Variants in MYO1A observed in about 807,000 individuals in gnomAD.
The protein encoded by MYO1A is myosin IA, also known as unconventional myosin-Ia.
A neutral mutation model predicts 138.5 loss-of-function variants in MYO1A; 127 were observed. The ratio of observed to expected loss-of-function variants is 0.92; its 90% CI spans 0.79 to 1.06. The LOEUF (loss-of-function observed/expected upper bound fraction) is 1.06, where lower values mean the gene tolerates loss of function less well. Ranked by LOEUF, MYO1A falls within the 50% of genes least tolerant of loss-of-function variation. MYO1A has a pLI of 0.00. For synonymous variants in MYO1A, 477 were observed against 497.5 expected, an observed-to-expected ratio of 0.96 and a Z score of 0.55; for missense variants, 1,211 against 1,288.8, an observed-to-expected ratio of 0.94 and a Z score of 0.92.
intron 1 of MYO1A, among the ~76,000 whole-genome samples, chr12:57,048,786 C>T (rs1201046500): frequency 2.0e-5 from 3 of 152,170 alleles, no homozygotes; most frequent in African/African-American, 7.2e-5. Context: ...CCATCTACCC[C>T]CAGTGCTTCT....
chr12:57,040,816 C>T (rs1020015157), intron 14 of MYO1A, among the ~76,000 whole-genome samples: 1 of 152,112 alleles, frequency 6.6e-6, no homozygotes, highest in African/African-American at 2.4e-5. Context: ...AGCTAGGGCC[C>T]GGGGGAGACC....
Position 57,029,748 on chromosome 12 carries a change from T to C in MYO1A, c.2716A>G (p.Asn906Asp), listed in dbSNP as rs1361708975. ...AGCCTGCAGGCCCTTACCTTGCCATTGCCACGATTGACCTTCTTCACGGCC... is the reference window on the plus strand; with the variant it reads ...AGCCTGCAGGCCCTTACCTTGCCATCGCCACGATTGACCTTCTTCACGGCC... ...AEAVKKVNRG[N>D]GKTSSRILLL... The change falls in exon 25 of 28, where the codon AAT becomes GAT. Residue 906 changes from asparagine to aspartate, a missense_variant. Transcript: ENST00000300119. The C allele has an allele frequency of 1.2e-6, 2 of 1,614,052 alleles. No individual in the cohort carries two copies. The highest frequency in any genetic ancestry group is 2.7e-5 in the African/African-American group (2 of 74,916).
rs2030151309 is a variant in MYO1A, at chr12:57,029,460, C to A, written c.2852G>T (p.Gly951Val). ...AGVSVTSLKD[G>V]LFSLHLSEMS... ...CTCACTCAGATGCAAGCTAAAGAGC[C>A]CATCCTTGAGGCTGGTGACTGACAC... The change falls in exon 26 of 28, where the codon GGG becomes GTG. Residue 951 changes from glycine to valine, a missense_variant. Coordinates refer to ENST00000300119, the MANE Select transcript of MYO1A (RefSeq NM_005379.4). 6.2e-7 allele frequency: 1 copy of A among 1,614,026 alleles called. No homozygotes were observed.
chr12:57,037,551 C>T lies in MYO1A; in HGVS notation c.2052G>A (p.Lys684=). The T allele has an allele frequency of 1.9e-6, 3 of 1,614,078 alleles. No individual in the cohort carries two copies. Among genetic ancestry groups the T allele is most frequent in the Non-Finnish European group, 2.5e-6 (3 of 1,179,948 alleles). The change falls in exon 19 of 28, where the codon AAG becomes AAA. Residue 684 remains lysine, a synonymous_variant. Transcript: ENST00000300119. ...GCTAATGCACTCTCTAACTCACAGT[C>T]TTGGGGCTTCTAATGAAGATCTTTG... ...GKTKIFIRSP[K]TLFYLEEQRR... is the part of the protein sequence containing the mutation.
In MYO1A at chr12:57,029,766, T is replaced by C. The variant is rs199692652; in HGVS notation, c.2698A>G (p.Lys900Glu). 1.2e-6 allele frequency: 2 copies of C among 1,614,174 alleles called. No individual in the cohort carries two copies. Among genetic ancestry groups the C allele is most frequent in the Non-Finnish European group, 1.7e-6 (2 of 1,180,020 alleles). ...TTGCCATTGCCACGATTGACCTTCT[T>C]CACGGCCTCTGCCATCAGAACAGGC... ...EGPVLMAEAV[K>E]KVNRGNGKTS... Residue 900 changes from lysine (K) to glutamate (E), a missense_variant, in exon 25 of 28, where the codon AAG (lysine) becomes GAG (glutamate). Transcript: ENST00000300119.
chr12:57,045,270 C>T (rs915192927), intron 8 of MYO1A, among the ~76,000 whole-genome samples: 8 of 151,798 alleles, frequency 5.3e-5, no homozygotes, highest in African/African-American at 1.2e-4. Flanking sequence ...GGGAGGGATT[C>T]GGTTAATCAT....
chr12:57,048,252 C>G lies in MYO1A; in HGVS notation c.72G>C (p.Leu24=). The G allele has an allele frequency of 2.5e-6, 4 of 1,614,206 alleles. No homozygotes were observed. Among genetic ancestry groups the G allele is most frequent in the Non-Finnish European group, 3.4e-6 (4 of 1,180,018 alleles). ...VLLEPLVEES[L]LKNLQLRYEN... The stretch of plus-strand genomic sequence containing the variant: ...CATAGCGAAGCTGAAGATTCTTGAG[C>G]AGTGACTCCTCCACCAAGGGTTCCA... Residue 24 remains leucine, a synonymous_variant, in exon 2 of 28, where the codon CTG becomes CTC. Coordinates refer to ENST00000300119, the MANE Select transcript of MYO1A (RefSeq NM_005379.4).
intron 13 of MYO1A, 58 bp from the exon 14 acceptor site, chr12:57,041,346 C>A (rs2030850068): frequency 1.3e-6 from 2 of 1,591,464 alleles, no homozygotes; most frequent in Non-Finnish European, 1.7e-6. Context: ...CCGTCTCAGT[C>A]CTACCTCCCC....
intron 25 of MYO1A, 24 bp downstream of exon 25, chr12:57,029,716 G>A: frequency 6.2e-7 from 1 of 1,614,146 alleles, no homozygotes; most frequent in Non-Finnish European, 8.5e-7. Context: ...AGCTGCGGGA[G>A]GAGTTCAGCC....
At chr12:57,044,268 C>G in intron 8 of MYO1A, 59 bp from the exon 9 acceptor site, 1 of 1,340,482 alleles carries the variant, frequency 7.5e-7, no homozygotes, top group Non-Finnish European at 1.1e-6. Flanking sequence ...AGCCCTCCAG[C>G]CTTGACACCT....
In MYO1A at chr12:57,038,626, C is replaced by T. The variant is rs746303691; in HGVS notation, c.1546G>A (p.Val516Met). 50 of 1,614,082 alleles carry T rather than the reference C, an allele frequency of 3.1e-5. No homozygotes were observed. The highest frequency in any genetic ancestry group is 4.5e-5 in the East Asian group (2 of 44,898). Residue 516 changes from valine (V) to methionine (M), a missense_variant, in exon 17 of 28, where the codon GTG (valine) becomes ATG (methionine). By Grantham distance (21) the Val-to-Met change is conservative. Transcript: ENST00000300119. ...TTATTCTTGTCAATAAAGCTGGTCACGTTGTATGTCACCTGTAAAGGAGCA... is the reference window on the plus strand; with the variant it reads ...TTATTCTTGTCAATAAAGCTGGTCATGTTGTATGTCACCTGTAAAGGAGCA... ...CHYAGKVTYNVTSFIDKNNDL... is the reference protein window; with the variant it reads ...CHYAGKVTYNMTSFIDKNNDL...
intron 24 of MYO1A, 50 bp from the exon 25 acceptor site, chr12:57,029,922 C>T: frequency 6.2e-7 from 1 of 1,613,816 alleles, no homozygotes; most frequent in Non-Finnish European, 8.5e-7. Context: ...GAGGCCTCTT[C>T]CCCACCCCCA....
At chr12:57,038,278 A>G in intron 17 of MYO1A, 134 bp downstream of exon 17, 1 of 1,160,142 alleles carries the variant, frequency 8.6e-7, no homozygotes, top group Non-Finnish European at 1.3e-6. Flanking sequence ...TCCTTATCTG[A>G]CTGTTTTCTG....
In MYO1A at chr12:57,037,012, C is replaced by T. The variant is rs749506633; in HGVS notation, c.2135G>A (p.Arg712His). ...CATCAGTTGGTAGTGGGTGCGGCAG[C>T]GCCAGCCTCGGTAAATCTTCTGTAT... ...TLIQKIYRGW[R>H]CRTHYQLMRK... Residue 712 changes from arginine (R) to histidine (H), a missense_variant, in exon 20 of 28, where the codon CGC (arginine) becomes CAC (histidine). Physicochemically the swap from Arg to His is conservative, Grantham distance 29. Transcript: ENST00000300119. 1 of 1,614,110 alleles carries T rather than the reference C, an allele frequency of 6.2e-7. No individual in the cohort carries two copies. Among genetic ancestry groups the T allele is most frequent in the Admixed American group, 1.7e-5 (1 of 60,020 alleles).
In MYO1A at chr12:57,030,197, G is replaced by A. The variant is rs749385481; in HGVS notation, c.2591+13C>T. The stretch of plus-strand genomic sequence containing the variant: ...TGATGGAACTGGCTGTGCAGGGTCT[G>A]GGAGGCCCTCACCTCTGGGGATATG... On this transcript the variant is annotated intron_variant, in intron 24 of 27. Coordinates refer to ENST00000300119, the MANE Select transcript of MYO1A (RefSeq NM_005379.4). 1.2e-6 allele frequency: 2 copies of A among 1,601,876 alleles called. No individual in the cohort carries two copies. Among genetic ancestry groups the A allele is most frequent in the Non-Finnish European group, 8.6e-7 (1 of 1,168,858 alleles).
At chr12:57,044,411 C>G (rs1416857567) in intron 8 of MYO1A, among the ~76,000 whole-genome samples, 1 of 152,164 alleles carries the variant, frequency 6.6e-6, no homozygotes, top group Admixed American at 6.5e-5. Context: ...GTTGTTGAGA[C>G]AGGGTCTCAC....
chr12:57,047,657 TGAG>T lies in MYO1A; in HGVS notation c.292_294del (p.Leu98del), dbSNP rs772327280. 6.2e-7 allele frequency: 1 copy of T among 1,614,074 alleles called. No individual in the cohort carries two copies. Among genetic ancestry groups the T allele is most frequent in the Admixed American group, 1.7e-5 (1 of 60,034 alleles). ...TTCCCTGATCCACTCTCGCCTGTGATGAGGATACACTGGTCTCGGTCCCTGTCC... is the reference window on the plus strand; with the variant it reads ...TTCCCTGATCCACTCTCGCCTGTGATGATACACTGGTCTCGGTCCCTGTCC... On this transcript the variant is annotated inframe_deletion, in exon 4 of 28. Transcript: ENST00000300119.
Position 57,031,180 on chromosome 12 carries a change from T to C in MYO1A, c.2350-6A>G. On this transcript the variant is annotated splice_region_variant and splice_polypyrimidine_tract_variant and intron_variant, in intron 22 of 27. Coordinates refer to ENST00000300119, the MANE Select transcript of MYO1A (RefSeq NM_005379.4). ...CCCAGTAGGAATTTCTGTACCTAGTTTGGGACCAGGGGGATTGGGAGTGGA... is the reference window on the plus strand; with the variant it reads ...CCCAGTAGGAATTTCTGTACCTAGTCTGGGACCAGGGGGATTGGGAGTGGA... 3.1e-6 allele frequency: 5 copies of C among 1,614,126 alleles called. No homozygotes were observed. The highest frequency in any genetic ancestry group is 4.2e-6 in the Non-Finnish European group (5 of 1,180,010).
intron 23 of MYO1A, among the ~76,000 whole-genome samples, chr12:57,030,680 C>T (rs2030234947): frequency 1.3e-5 from 2 of 152,124 alleles, no homozygotes; most frequent in South Asian, 4.1e-4. Context: ...ATGATTCCCA[C>T]TTATATGAGG....
Sources: gnomAD v4.1 joint callset for allele counts (sites outside exome capture counted in the v4.1 genomes callset) on GRCh38, gnomAD v4.1.1 for gene constraint, MANE v1.5 for transcripts, NCBI Gene and HGNC (gene_info 2026-07-23, HGNC 2026-07-21) for gene names.